CEP128: variants seen among roughly 807,000 people sequenced by gnomAD.
CEP128 encodes centrosomal protein 128.
Under a neutral mutation model 156.7 loss-of-function variants are expected in CEP128, and 132 were observed. The observed-to-expected ratio is 0.84, with a 90% CI of 0.73 to 0.97. The LOEUF is 0.97. Ranked by LOEUF, CEP128 falls within the 50% of genes least tolerant of loss-of-function variation. The pLI, the probability that CEP128 is intolerant of heterozygous loss-of-function variation, is 0.00. For synonymous variants in CEP128, 469 were observed against 448.9 expected (o/e 1.04, Z -0.57); for missense variants, 1,252 against 1,281.9 (o/e 0.98, Z 0.36).
At chr14:80,564,769 G>C (rs1890840465) in intron 20 of CEP128, among the ~76,000 whole-genome samples, 1 of 152,246 alleles carries the variant, frequency 6.6e-6, no homozygotes, top group African/African-American at 2.4e-5. Flanking sequence ...TACAAGATTA[G>C]AAATTTAGGG....
intron 12 of CEP128, 124 bp from the exon 13 acceptor site, chr14:80,831,418 T>C: frequency 1.0e-6 from 1 of 989,908 alleles, no homozygotes; most frequent in Non-Finnish European, 1.5e-6. Flanking sequence ...TGACAGTTAC[T>C]CAACAGACTT....
intron 20 of CEP128, among the ~76,000 whole-genome samples, chr14:80,568,327 A>G (rs1296885337): frequency 6.6e-6 from 1 of 152,202 alleles, no homozygotes; most frequent in African/African-American, 2.4e-5. Context: ...ATTGTTAACT[A>G]TCATGCATGT....
At chr14:80,940,967 A>G (rs1411102203) in intron 1 of CEP128, among the ~76,000 whole-genome samples, 1 of 152,226 alleles carries the variant, frequency 6.6e-6, no homozygotes, top group Non-Finnish European at 1.5e-5. Flanking sequence ...AATTAATGGT[A>G]AAGTTTTACC....
intron 19 of CEP128, among the ~76,000 whole-genome samples, chr14:80,639,873 A>C (rs7160749): frequency 0.2 from 29,709 of 152,110 alleles, 3,061 homozygotes; most frequent in East Asian, 0.35. Flanking sequence ...TTGAAGAACA[A>C]ACAACCAAGT....
At position 80,826,504 on chromosome 14, in the gene CEP128, C is replaced by T. The variant is rs1241973462; in HGVS notation, c.1209+4639G>A. On this transcript the variant is annotated intron_variant, in intron 13 of 24. Transcript: ENST00000555265. The stretch of plus-strand genomic sequence containing the variant: ...TAAAAGTAATATTAAAGCGGGCATA[C>T]AGTAAAATGGTCAGCTTTATGAAAC... Among the ~76,000 whole-genome samples, 7 of 152,228 alleles carry T rather than the reference C, an allele frequency of 4.6e-5. 1 individual carries two copies. Among genetic ancestry groups the T allele is most frequent in the African/African-American group, 1.4e-4 (6 of 41,552 alleles).
intron 23 of CEP128, among the ~76,000 whole-genome samples, chr14:80,516,351 G>A (rs1372739222): frequency 6.6e-6 from 1 of 152,106 alleles, no homozygotes; most frequent in Non-Finnish European, 1.5e-5. Context: ...GCAAAACAAA[G>A]TCCTCTTTAC....
At chr14:80,853,279 A>G (rs1886984845) in intron 9 of CEP128, among the ~76,000 whole-genome samples, 1 of 151,802 alleles carries the variant, frequency 6.6e-6, no homozygotes, top group African/African-American at 2.4e-5. Context: ...TTAATATTAG[A>G]CTTCAGGTTC....
At chr14:80,825,966 C>A (rs1263694512) in intron 13 of CEP128, among the ~76,000 whole-genome samples, 1 of 151,920 alleles carries the variant, frequency 6.6e-6, no homozygotes, top group Non-Finnish European at 1.5e-5. Context: ...ATTAGCCAGG[C>A]CTGGTGGCAC....
intron 18 of CEP128, among the ~76,000 whole-genome samples, chr14:80,753,848 T>C (rs1899509147): frequency 6.6e-6 from 1 of 152,194 alleles, no homozygotes; most frequent in South Asian, 2.1e-4. Context: ...AATCTCTTTC[T>C]CCATTACCCT....
intron 9 of CEP128, among the ~76,000 whole-genome samples, chr14:80,847,851 A>G (rs1406513118): frequency 2.0e-5 from 3 of 152,232 alleles, no homozygotes; most frequent in Non-Finnish European, 4.4e-5. Flanking sequence ...GTATCTTTAA[A>G]TCCCTAGTCC....
intron 19 of CEP128, among the ~76,000 whole-genome samples, chr14:80,683,191 C>T (rs1483738718): frequency 6.6e-6 from 1 of 152,114 alleles, no homozygotes; most frequent in Admixed American, 6.6e-5. Context: ...GCAAGCTGGA[C>T]AGGACCATCC....
chr14:80,513,080 G>A (rs1888332983), intron 23 of CEP128, among the ~76,000 whole-genome samples: 1 of 152,090 alleles, frequency 6.6e-6, no homozygotes, highest in South Asian at 2.1e-4. Context: ...TGTACCTTCA[G>A]ATGATATAGT....
chr14:80,530,715 C>A (rs1889184599), intron 22 of CEP128, 94 bp downstream of exon 22: 2 of 817,760 alleles, frequency 2.4e-6, no homozygotes, highest in Non-Finnish European at 3.7e-6. Flanking sequence ...TTTGGTCCTT[C>A]TTCCTTTTCT....
intron 8 of CEP128, among the ~76,000 whole-genome samples, chr14:80,865,770 G>A (rs527524976): frequency 9.2e-5 from 14 of 152,120 alleles, no homozygotes; most frequent in South Asian, 2.1e-4. Context: ...GATGCTCTAC[G>A]GAGACGCCAC....
chr14:80,854,000 G>C (rs563617530), intron 9 of CEP128, among the ~76,000 whole-genome samples: 60 of 151,652 alleles, frequency 4.0e-4, no homozygotes, highest in African/African-American at 1.4e-3. Flanking sequence ...GGGAAAGAGA[G>C]AAATCCCAAA....
intron 19 of CEP128, among the ~76,000 whole-genome samples, chr14:80,698,505 G>C (rs1489745079): frequency 2.0e-5 from 3 of 152,090 alleles, no homozygotes; most frequent in African/African-American, 7.2e-5. Context: ...CAAACTTAAA[G>C]AAGTTAACTT....
chr14:80,879,797 A>G (rs983178527), intron 8 of CEP128, among the ~76,000 whole-genome samples: 3 of 151,436 alleles, frequency 2.0e-5, no homozygotes, highest in African/African-American at 7.3e-5. Context: ...CAAGTCTTGG[A>G]AAAGATACAG....
Position 80,586,831 on chromosome 14 carries a change from G to T in CEP128, c.2807-6408C>A, listed in dbSNP as rs559358301. Among the ~76,000 whole-genome samples the T allele has an allele frequency of 7.2e-5, 11 of 152,212 alleles. 1 individual carries two copies. In the South Asian group the frequency reaches 2.3e-3, roughly 32 times the overall value. On this transcript the variant is annotated intron_variant, in intron 19 of 24. Transcript: ENST00000555265. ...CAACACAAAATCTGTTTCAATGAAT[G>T]ACAGTTTCTCAGCTTAATATAACAT...
intron 13 of CEP128, among the ~76,000 whole-genome samples, chr14:80,801,908 CCCAAAAAAAAAAAA>C (rs1250388020): frequency 1.6e-4 from 3 of 18,704 alleles, no homozygotes; most frequent in African/African-American, 3.4e-4. Flanking sequence ...ACTCTGTCTC[CCCAAAAAAAAAAAA>C]AAAAAAAAAA....
Sources: gnomAD v4.1 joint callset for allele counts (sites outside exome capture counted in the v4.1 genomes callset) on GRCh38, gnomAD v4.1.1 for gene constraint, MANE v1.5 for transcripts, NCBI Gene and HGNC (gene_info 2026-07-23, HGNC 2026-07-21) for gene names.